PLPPR1: variants seen among roughly 807,000 people sequenced by gnomAD.
PLPPR1 encodes the protein phospholipid phosphatase-related protein type 1.
A neutral mutation model predicts 33.1 loss-of-function variants in PLPPR1; 10 were observed. The observed-to-expected ratio is 0.30, with a 90% CI of 0.19 to 0.51. The LOEUF (loss-of-function observed/expected upper bound fraction) is 0.51. Ranked by LOEUF, PLPPR1 falls within the 20% of genes least tolerant of loss-of-function variation. PLPPR1 has a pLI of 0.97. For missense variants in PLPPR1, 304 were observed against 408.1 expected (o/e 0.74, Z 2.20); for synonymous variants, 151 against 151.0 (o/e 1.00, Z 0.00).
intron 2 of PLPPR1, among the ~76,000 whole-genome samples, chr9:101,224,683 A>G (rs1409439778): frequency 6.6e-6 from 1 of 152,204 alleles, no homozygotes; most frequent in African/African-American, 2.4e-5. Context: ...ATTACTGGTC[A>G]GTGCCACAGT....
chr9:101,182,749 A>G (rs1826137311), intron 1 of PLPPR1, among the ~76,000 whole-genome samples: 1 of 151,800 alleles, frequency 6.6e-6, no homozygotes, highest in African/African-American at 2.4e-5. Context: ...GAAAATATGT[A>G]TCTGATAAAG....
intron 1 of PLPPR1, among the ~76,000 whole-genome samples, chr9:101,154,795 G>A (rs1299981546): frequency 6.6e-6 from 1 of 152,070 alleles, no homozygotes; most frequent in African/African-American, 2.4e-5. Flanking sequence ...AAAAGGATGA[G>A]TTCATGTCCT....
intron 1 of PLPPR1, among the ~76,000 whole-genome samples, chr9:101,047,545 C>T (rs1830168382): frequency 6.6e-6 from 1 of 152,024 alleles, no homozygotes; most frequent in South Asian, 2.1e-4. Context: ...GGGAACACAC[C>T]ATTCCTTCCC....
At chr9:101,220,276 A>T (rs145558080) in intron 2 of PLPPR1, among the ~76,000 whole-genome samples, 1 of 152,316 alleles carries the variant, frequency 6.6e-6, no homozygotes, top group African/African-American at 2.4e-5. Flanking sequence ...AACCACTTTT[A>T]TGTTAAAAAT....
intron 2 of PLPPR1, among the ~76,000 whole-genome samples, chr9:101,193,420 GAT>G (rs763865450): frequency 3.9e-5 from 6 of 152,076 alleles, no homozygotes; most frequent in Non-Finnish European, 8.8e-5. Context: ...ATAAGTATAA[GAT>G]ATACAGCCTC....
At chr9:101,116,413 T>C (rs991035779) in intron 1 of PLPPR1, among the ~76,000 whole-genome samples, 6 of 152,216 alleles carry the variant, frequency 3.9e-5, no homozygotes, top group South Asian at 2.1e-4. Flanking sequence ...CATATCAGCT[T>C]GGTTCCATCA....
chr9:101,246,305 A>G (rs1827611386), intron 2 of PLPPR1, among the ~76,000 whole-genome samples: 1 of 151,814 alleles, frequency 6.6e-6, no homozygotes, highest in African/African-American at 2.4e-5. Context: ...AACTCCTTAG[A>G]AAAACTCTAT....
chr9:101,288,216 T>C (rs1023056737), intron 4 of PLPPR1, among the ~76,000 whole-genome samples: 2 of 152,146 alleles, frequency 1.3e-5, no homozygotes, highest in Non-Finnish European at 2.9e-5. Flanking sequence ...AGATTGTCTG[T>C]TGTGGTATCC....
intron 1 of PLPPR1, among the ~76,000 whole-genome samples, chr9:101,162,050 G>A (rs1332245854): frequency 1.3e-5 from 2 of 151,446 alleles, no homozygotes; most frequent in Non-Finnish European, 2.9e-5. Flanking sequence ...TGTTAGCCAG[G>A]TAGTCACCTG....
At chr9:101,225,177 T>C (rs1827037371) in intron 2 of PLPPR1, among the ~76,000 whole-genome samples, 1 of 152,214 alleles carries the variant, frequency 6.6e-6, no homozygotes, top group Non-Finnish European at 1.5e-5. Flanking sequence ...TGTTAATTCA[T>C]GCATGTTACC....
At chr9:101,044,767 C>A (rs187792940) in intron 1 of PLPPR1, among the ~76,000 whole-genome samples, 2 of 152,150 alleles carry the variant, frequency 1.3e-5, no homozygotes, top group African/African-American at 4.8e-5. Context: ...TATAAATCAC[C>A]CTAGGATCAG....
chr9:101,294,979 G>T (rs1291138035), intron 4 of PLPPR1, among the ~76,000 whole-genome samples: 2 of 150,940 alleles, frequency 1.3e-5, no homozygotes, highest in African/African-American at 2.4e-5. Flanking sequence ...GGAAATAAAG[G>T]GTATTCAATT....
At chr9:101,268,137 G>C (rs1165836598) in intron 2 of PLPPR1, among the ~76,000 whole-genome samples, 2 of 151,962 alleles carry the variant, frequency 1.3e-5, no homozygotes, top group Non-Finnish European at 2.9e-5. Context: ...AGCATTAGGA[G>C]ATATACCTAA....
chr9:101,221,223 G>A (rs937091859), intron 2 of PLPPR1, among the ~76,000 whole-genome samples: 1 of 152,010 alleles, frequency 6.6e-6, no homozygotes, highest in Non-Finnish European at 1.5e-5. Flanking sequence ...TGTATTTGTT[G>A]TCTTTTATCC....
intron 1 of PLPPR1, among the ~76,000 whole-genome samples, chr9:101,116,580 C>T (rs1036345336): frequency 4.6e-5 from 7 of 152,050 alleles, no homozygotes; most frequent in African/African-American, 1.4e-4. Flanking sequence ...TTTGGGAGGC[C>T]AAGGCGGGCG....
intron 1 of PLPPR1, among the ~76,000 whole-genome samples, chr9:101,139,042 G>A (rs1383916868): frequency 1.3e-5 from 2 of 151,956 alleles, no homozygotes; most frequent in African/African-American, 4.8e-5. Context: ...TGCTTTCTAA[G>A]TATCATTTTT....
At chr9:101,060,559 C>A (rs1290230960) in intron 1 of PLPPR1, among the ~76,000 whole-genome samples, 2 of 151,936 alleles carry the variant, frequency 1.3e-5, no homozygotes, top group African/African-American at 2.4e-5. Flanking sequence ...AAACACCATG[C>A]TGTTCACCAT....
intron 1 of PLPPR1, among the ~76,000 whole-genome samples, chr9:101,092,680 C>G (rs925764603): frequency 6.6e-6 from 1 of 152,118 alleles, no homozygotes; most frequent in South Asian, 2.1e-4. Flanking sequence ...CTCCAGATCT[C>G]GGCTCAGGGC....
chr9:101,177,493 T>A (rs1826035779), intron 1 of PLPPR1, among the ~76,000 whole-genome samples: 1 of 152,198 alleles, frequency 6.6e-6, no homozygotes, highest in African/African-American at 2.4e-5. Context: ...TTTTGTTTGT[T>A]GTGGTGAAAG....
Sources: gnomAD v4.1 joint callset for allele counts (sites outside exome capture counted in the v4.1 genomes callset) on GRCh38, gnomAD v4.1.1 for gene constraint, MANE v1.5 for transcripts, NCBI Gene and HGNC (gene_info 2026-07-23, HGNC 2026-07-21) for gene names.